Variants in PKHD1 observed in about 807,000 individuals in gnomAD.
PKHD1 encodes the protein fibrocystin.
Under a neutral mutation model 412.0 loss-of-function variants are expected in PKHD1, and 291 were observed. The observed-to-expected ratio is 0.71, with a 90% CI of 0.64 to 0.78. The LOEUF is 0.78. Ranked by LOEUF, PKHD1 falls within the 30% of genes least tolerant of loss-of-function variation. The pLI is 0.00. For missense variants in PKHD1, 4,825 were observed against 4,950.7 expected, an observed-to-expected ratio of 0.97 and a Z score of 0.76; for synonymous variants, 1,777 against 1,821.5, an observed-to-expected ratio of 0.98 and a Z score of 0.62.
At chr6:51,925,144 G>A (rs531011411) in intron 37 of PKHD1, among the ~76,000 whole-genome samples, 8 of 152,276 alleles carry the variant, frequency 5.3e-5, no homozygotes, top group East Asian at 1.9e-4. Flanking sequence ...ACTCTATGAC[G>A]GAGCAAAGTC....
At chr6:51,816,334 C>T (rs569404529) in intron 52 of PKHD1, among the ~76,000 whole-genome samples, 2 of 152,300 alleles carry the variant, frequency 1.3e-5, no homozygotes, top group African/African-American at 4.8e-5. Context: ...AGATCTACAC[C>T]CCCATGCCTC....
chr6:51,727,017 C>A (rs988298554), intron 60 of PKHD1, among the ~76,000 whole-genome samples: 1 of 152,050 alleles, frequency 6.6e-6, no homozygotes, highest in Non-Finnish European at 1.5e-5. Flanking sequence ...AGATTCAAAG[C>A]ATGAGAGGCA....
chr6:51,669,434 TC>T (rs1227147005), intron 60 of PKHD1, among the ~76,000 whole-genome samples: 1 of 150,946 alleles, frequency 6.6e-6, no homozygotes, highest in African/African-American at 2.4e-5. Flanking sequence ...GATTCTTCTC[TC>T]TTTTTTTCTT....
At chr6:51,995,752 A>T (rs2128085257) in intron 35 of PKHD1, among the ~76,000 whole-genome samples, 1 of 152,310 alleles carries the variant, frequency 6.6e-6, no homozygotes, top group Admixed American at 6.5e-5. Flanking sequence ...CCCCTATTAA[A>T]TAGTACATTC....
At chr6:51,911,025 T>C (rs946350718) in intron 39 of PKHD1, among the ~76,000 whole-genome samples, 2 of 152,100 alleles carry the variant, frequency 1.3e-5, no homozygotes, top group South Asian at 4.1e-4. Context: ...ATCTCAGTTA[T>C]GACATATACA....
At chr6:51,647,429 T>G (rs1187324874) in intron 63 of PKHD1, among the ~76,000 whole-genome samples, 4 of 152,148 alleles carry the variant, frequency 2.6e-5, no homozygotes, top group Admixed American at 6.6e-5. Context: ...AAATAGATTT[T>G]CATATAAATG....
chr6:51,758,771 T>G (rs1325386446), intron 55 of PKHD1, among the ~76,000 whole-genome samples: 3 of 152,174 alleles, frequency 2.0e-5, no homozygotes, highest in Admixed American at 2.0e-4. Context: ...TTGGCATAAC[T>G]TTTGACCTAG....
At chr6:52,070,952 A>G in intron 9 of PKHD1, 54 bp downstream of exon 9, 1 of 1,077,584 alleles carries the variant, frequency 9.3e-7, no homozygotes, top group Non-Finnish European at 1.4e-6. Flanking sequence ...TTTTGTCCGG[A>G]TACAGAGAAA....
chr6:51,958,450 T>C (rs1791491164), intron 36 of PKHD1, among the ~76,000 whole-genome samples: 1 of 152,134 alleles, frequency 6.6e-6, no homozygotes, highest in African/African-American at 2.4e-5. Context: ...ATACTTATCC[T>C]GCCTTTCTCC....
rs1288930030 is a variant in PKHD1, at chr6:52,056,890, C to A, written c.1602G>T (p.Leu534=). The A allele has an allele frequency of 6.2e-7, 1 of 1,611,668 alleles. No individual in the cohort carries two copies. Among genetic ancestry groups the A allele is most frequent in the Non-Finnish European group, 8.5e-7 (1 of 1,177,894 alleles). ...CTCATTTTTTGAAGAAGTCTCCCAC[C>A]AGATGGGCTGTGGCATTTGCAGGGA... The part of the protein sequence containing the change: ...QPIPANATAH[L]IQTTIEELLA... Residue 534 remains leucine, a splice_region_variant and synonymous_variant, in exon 17 of 67, where the codon CTG becomes CTT. Transcript: ENST00000371117.
intron 37 of PKHD1, among the ~76,000 whole-genome samples, chr6:51,921,400 G>C (rs2127712546): frequency 6.6e-6 from 1 of 152,268 alleles, no homozygotes; most frequent in South Asian, 2.1e-4. Context: ...TGACAATTAT[G>C]TGTCTTGGGG....
chr6:51,647,755 T>A (rs1018757582), intron 63 of PKHD1, among the ~76,000 whole-genome samples: 1 of 152,180 alleles, frequency 6.6e-6, no homozygotes, highest in African/African-American at 2.4e-5. Flanking sequence ...CCAGGCACTT[T>A]TCCTTACACT....
At chr6:51,817,097 G>A (rs1214128320) in intron 52 of PKHD1, among the ~76,000 whole-genome samples, 3 of 152,134 alleles carry the variant, frequency 2.0e-5, no homozygotes, top group Non-Finnish European at 4.4e-5. Context: ...GGCCCCAGAA[G>A]TTCTTTCCCA....
At chr6:52,009,946 T>C (rs1266916947) in intron 35 of PKHD1, among the ~76,000 whole-genome samples, 2 of 151,944 alleles carry the variant, frequency 1.3e-5, no homozygotes, top group Admixed American at 1.3e-4. Context: ...GGCTGAGTGA[T>C]TTGGAAGCCT....
chr6:51,868,985 A>C (rs1354471768), intron 47 of PKHD1, among the ~76,000 whole-genome samples: 1 of 152,158 alleles, frequency 6.6e-6, no homozygotes, highest in African/African-American at 2.4e-5. Flanking sequence ...CTACCATACC[A>C]TAATATATTA....
Position 51,619,033 on chromosome 6 carries a change from T to C in PKHD1, c.*48A>G, listed in dbSNP as rs1766279359. On this transcript the variant is annotated 3_prime_UTR_variant, in exon 67 of 67. Transcript: ENST00000371117. The stretch of plus-strand genomic sequence containing the variant: ...ACTTCCCCAGCTTATTATCCAGAAA[T>C]ACTGGGAACATTCTGCCTTTCAGGC... The C allele has an allele frequency of 1.3e-6, 2 of 1,538,772 alleles. No individual in the cohort carries two copies. Among genetic ancestry groups the C allele is most frequent in the East Asian group, 2.2e-5 (1 of 44,506 alleles).
At chr6:51,826,777 A>T (rs754240539) in intron 52 of PKHD1, among the ~76,000 whole-genome samples, 2 of 152,118 alleles carry the variant, frequency 1.3e-5, no homozygotes, top group Non-Finnish European at 2.9e-5. Context: ...TCAAAATCCA[A>T]TGTCCATAAA....
intron 35 of PKHD1, among the ~76,000 whole-genome samples, chr6:51,982,673 G>A (rs1253075139): frequency 6.8e-6 from 1 of 147,120 alleles, no homozygotes; most frequent in African/African-American, 2.5e-5. Flanking sequence ...CAAACACTGC[G>A]GAAGGCCGCA....
chr6:52,040,049 T>C (rs939243160), intron 27 of PKHD1, among the ~76,000 whole-genome samples: 4 of 152,206 alleles, frequency 2.6e-5, no homozygotes, highest in Non-Finnish European at 5.9e-5. Context: ...ATGTCTAAAA[T>C]AGGCAAATTC....
Sources: gnomAD v4.1 joint callset for allele counts (sites outside exome capture counted in the v4.1 genomes callset) on GRCh38, gnomAD v4.1.1 for gene constraint, MANE v1.5 for transcripts, NCBI Gene and HGNC (gene_info 2026-07-23, HGNC 2026-07-21) for gene names.